CNTN1: variants seen among roughly 807,000 people sequenced by gnomAD.
CNTN1 encodes contactin 1.
CNTN1 carries 38 observed loss-of-function variants against 126.4 expected under a neutral mutation model. The ratio of observed to expected loss-of-function variants is 0.30; its 90% CI spans 0.23 to 0.39. The LOEUF (loss-of-function observed/expected upper bound fraction) is 0.39. Among genes scored for constraint, CNTN1 ranks in the 10% least tolerant of loss-of-function variants. The pLI, the probability that CNTN1 is intolerant of heterozygous loss-of-function variation, is 1.00. For synonymous variants in CNTN1, 413 were observed against 422.6 expected, an observed-to-expected ratio of 0.98 and a Z score of 0.28; for missense variants, 1,009 against 1,248.4, an observed-to-expected ratio of 0.81 and a Z score of 2.89.
intron 1 of CNTN1, among the ~76,000 whole-genome samples, chr12:40,764,640 C>T (rs548202890): frequency 1.3e-5 from 2 of 152,250 alleles, no homozygotes. Flanking sequence ...TTTAAAAAAG[C>T]AATGGTCTGA....
chr12:40,937,562 C>A lies in CNTN1; in HGVS notation c.1111-8C>A, dbSNP rs777670852. 3.3e-6 allele frequency: 5 copies of A among 1,506,308 alleles called. No homozygotes were observed. The highest frequency in any genetic ancestry group is 4.6e-6 in the Non-Finnish European group (5 of 1,081,876). The allele number at this position is 1,506,308 out of a possible 1,614,324, so 93.3% of individuals were successfully genotyped here. ...ATTGAGAATATGTTTCAATTTTATTCTTTTCAGTATCATAAAGGGGAATTA... is the reference window on the plus strand; with the variant it reads ...ATTGAGAATATGTTTCAATTTTATTATTTTCAGTATCATAAAGGGGAATTA... On this transcript the variant is annotated splice_polypyrimidine_tract_variant and splice_region_variant and intron_variant, in intron 10 of 23. Coordinates refer to ENST00000551295, the MANE Select transcript of CNTN1 (RefSeq NM_001843.4).
intron 11 of CNTN1, among the ~76,000 whole-genome samples, chr12:40,938,020 A>G (rs561364498): frequency 6.6e-6 from 1 of 152,330 alleles, no homozygotes; most frequent in South Asian, 2.1e-4. Context: ...ATACAAAGAT[A>G]ATTTTGAGAA....
chr12:40,818,650 T>A (rs1289404125), intron 1 of CNTN1, among the ~76,000 whole-genome samples: 1 of 152,222 alleles, frequency 6.6e-6, no homozygotes, highest in Admixed American at 6.5e-5. Flanking sequence ...TTATTACCCA[T>A]CTTCTGAAGC....
At chr12:40,871,982 T>C (rs1943514173) in intron 1 of CNTN1, among the ~76,000 whole-genome samples, 1 of 152,168 alleles carries the variant, frequency 6.6e-6, no homozygotes, top group South Asian at 2.1e-4. Flanking sequence ...CACCACTGAA[T>C]GAGATTGGAT....
At chr12:40,922,533 G>T in intron 5 of CNTN1, 105 bp downstream of exon 5, 1 of 1,061,078 alleles carries the variant, frequency 9.4e-7, no homozygotes, top group Non-Finnish European at 1.4e-6. Context: ...TAGATGAGGT[G>T]GATCTTACAA....
At chr12:40,862,868 T>C (rs1419178083) in intron 1 of CNTN1, among the ~76,000 whole-genome samples, 1 of 152,208 alleles carries the variant, frequency 6.6e-6, no homozygotes, top group Non-Finnish European at 1.5e-5. Flanking sequence ...AACTGGTTTT[T>C]CTCCCCATTT....
chr12:40,995,896 C>T (rs753680000), intron 17 of CNTN1, among the ~76,000 whole-genome samples: 1 of 152,128 alleles, frequency 6.6e-6, no homozygotes, highest in African/African-American at 2.4e-5. Context: ...GTTTGCATTG[C>T]TTAAGTTAAT....
At chr12:40,980,589 A>T (rs1351684342) in intron 15 of CNTN1, among the ~76,000 whole-genome samples, 1 of 152,192 alleles carries the variant, frequency 6.6e-6, no homozygotes, top group African/African-American at 2.4e-5. Flanking sequence ...AATTCATTAA[A>T]TCATGCTATG....
intron 17 of CNTN1, among the ~76,000 whole-genome samples, chr12:41,000,445 G>A (rs1190657058): frequency 6.6e-6 from 1 of 152,048 alleles, no homozygotes; most frequent in Middle Eastern, 3.2e-3. Context: ...GTTCCTAGAA[G>A]TTATTTTAAT....
chr12:41,028,958 C>A, intron 22 of CNTN1, 105 bp from the exon 23 acceptor site: 1 of 1,101,394 alleles, frequency 9.1e-7, no homozygotes, highest in Non-Finnish European at 1.4e-6. Flanking sequence ...AAATTTATTA[C>A]TTTTTGTTAA....
intron 1 of CNTN1, among the ~76,000 whole-genome samples, chr12:40,738,934 T>A (rs1323854648): frequency 6.6e-6 from 1 of 152,046 alleles, no homozygotes; most frequent in Non-Finnish European, 1.5e-5. Context: ...TCACAGAAGA[T>A]TCATAGATTC....
intron 5 of CNTN1, 115 bp from the exon 6 acceptor site, chr12:40,924,442 A>G (rs776347034): frequency 1.4e-5 from 10 of 692,678 alleles, no homozygotes; most frequent in Non-Finnish European, 2.4e-5. Flanking sequence ...TCACCAAACC[A>G]CTGAGAAGTG....
chr12:41,036,024 G>A (rs1949252578), intron 23 of CNTN1, among the ~76,000 whole-genome samples: 1 of 152,098 alleles, frequency 6.6e-6, no homozygotes, highest in Non-Finnish European at 1.5e-5. Flanking sequence ...GACAAGAGGG[G>A]AGGGAGTTGA....
At chr12:40,948,434 G>A (rs915939574) in intron 14 of CNTN1, among the ~76,000 whole-genome samples, 4 of 150,844 alleles carry the variant, frequency 2.7e-5, no homozygotes, top group African/African-American at 9.7e-5. Flanking sequence ...TGGGCTTACT[G>A]TTTAGACAGA....
At chr12:40,936,708 A>G in intron 9 of CNTN1, 73 bp from the exon 10 acceptor site, 1 of 1,570,620 alleles carries the variant, frequency 6.4e-7, no homozygotes, top group Non-Finnish European at 8.7e-7. Context: ...ACTAAATGTA[A>G]TATTTATACT....
At chr12:40,839,802 A>G (rs1942205976) in intron 1 of CNTN1, among the ~76,000 whole-genome samples, 1 of 152,226 alleles carries the variant, frequency 6.6e-6, no homozygotes, top group African/African-American at 2.4e-5. Flanking sequence ...AACATTCACC[A>G]GCATGAAAAC....
At chr12:41,066,885 A>G (rs1950058605) in intron 23 of CNTN1, among the ~76,000 whole-genome samples, 1 of 152,228 alleles carries the variant, frequency 6.6e-6, no homozygotes, top group Non-Finnish European at 1.5e-5. Context: ...ATAGTACTCC[A>G]AATTGGTTTT....
intron 6 of CNTN1, among the ~76,000 whole-genome samples, chr12:40,928,545 G>A (rs556133436): frequency 2.0e-5 from 3 of 152,078 alleles, no homozygotes; most frequent in African/African-American, 7.2e-5. Context: ...CTAATTTTCT[G>A]CCTCTTTTTA....
At chr12:40,812,025 T>G (rs1941085704) in intron 1 of CNTN1, among the ~76,000 whole-genome samples, 1 of 151,984 alleles carries the variant, frequency 6.6e-6, no homozygotes. Flanking sequence ...ATGTAGACAT[T>G]TATTGCCATA....
Sources: gnomAD v4.1 joint callset for allele counts (sites outside exome capture counted in the v4.1 genomes callset) on GRCh38, gnomAD v4.1.1 for gene constraint, MANE v1.5 for transcripts, NCBI Gene and HGNC (gene_info 2026-07-23, HGNC 2026-07-21) for gene names.